The following ASB5 variants were observed in gnomAD, a reference collection of about 807,000 sequenced individuals.
ASB5 encodes the protein ankyrin repeat and SOCS box protein 5.
In ASB5, 45 loss-of-function variants were observed where a neutral mutation model predicts 42.1. The ratio of observed to expected loss-of-function variants is 1.07; its 90% CI spans 0.84 to 1.37. The LOEUF is 1.37. Among genes scored for constraint, ASB5 ranks in the 40% most tolerant of loss-of-function variants. The probability of loss-of-function intolerance (pLI) is 0.00; values close to 1 mark genes in which losing one functional copy is unlikely to be tolerated. For missense variants in ASB5, 402 were observed against 399.8 expected, an observed-to-expected ratio of 1.01 and a Z score of -0.05; for synonymous variants, 147 against 150.6, an observed-to-expected ratio of 0.98 and a Z score of 0.18.
chr4:176,264,927 T>C (rs1754327260), intron 1 of ASB5, among the ~76,000 whole-genome samples: 1 of 152,156 alleles, frequency 6.6e-6, no homozygotes, highest in Non-Finnish European at 1.5e-5. Flanking sequence ...CTATGTTTTC[T>C]GTCCGTACCA....
intron 1 of ASB5, among the ~76,000 whole-genome samples, chr4:176,247,470 G>GTA (rs1228673631): frequency 6.6e-6 from 1 of 152,166 alleles, no homozygotes; most frequent in African/African-American, 2.4e-5. Flanking sequence ...GTTTAGTGTA[G>GTA]TATAGGTCCA....
intron 1 of ASB5, among the ~76,000 whole-genome samples, chr4:176,240,253 C>A (rs1220426049): frequency 6.6e-6 from 1 of 152,152 alleles, no homozygotes; most frequent in Non-Finnish European, 1.5e-5. Flanking sequence ...TCAGAAAAAG[C>A]ATCTAAGATA....
chr4:176,243,951 T>A (rs1334748529), intron 1 of ASB5, among the ~76,000 whole-genome samples: 1 of 152,210 alleles, frequency 6.6e-6, no homozygotes, highest in Admixed American at 6.5e-5. Flanking sequence ...TAAAAATATA[T>A]TGCTGGATAT....
intron 1 of ASB5, among the ~76,000 whole-genome samples, chr4:176,250,064 CAAAAAA>C (rs5864368): frequency 1.0e-4 from 13 of 126,772 alleles, no homozygotes; most frequent in Non-Finnish European, 1.2e-4. Context: ...GACTCCATCT[CAAAAAA>C]AAAAAAAAAA....
chr4:176,229,786 G>A (rs1390420528), intron 1 of ASB5, among the ~76,000 whole-genome samples: 5 of 152,182 alleles, frequency 3.3e-5, no homozygotes, highest in African/African-American at 4.8e-5. Context: ...TCTCAGAAAC[G>A]AGTTTTGAAT....
chr4:176,275,281 A>G (rs1309067955), intron 2 of ASB5, among the ~76,000 whole-genome samples: 1 of 152,134 alleles, frequency 6.6e-6, no homozygotes, highest in African/African-American at 2.4e-5. Context: ...TTCTTGAGGT[A>G]AAATATATGA....
intron 1 of ASB5, among the ~76,000 whole-genome samples, chr4:176,229,915 G>T (rs1000585947): frequency 7.2e-5 from 11 of 152,298 alleles, no homozygotes; most frequent in African/African-American, 2.6e-4. Context: ...CTTGAAGAAG[G>T]GGGTGGGAGT....
At chr4:176,253,629 T>A (rs2126971504) in intron 1 of ASB5, among the ~76,000 whole-genome samples, 1 of 152,296 alleles carries the variant, frequency 6.6e-6, no homozygotes, top group Middle Eastern at 3.4e-3. Flanking sequence ...ATTCTTTACT[T>A]AGAAAACTCT....
intron 1 of ASB5, among the ~76,000 whole-genome samples, chr4:176,251,170 C>T (rs1425978550): frequency 6.6e-6 from 1 of 151,524 alleles, no homozygotes; most frequent in Non-Finnish European, 1.5e-5. Flanking sequence ...CACCGCTTAA[C>T]CATGTGCTCA....
intron 1 of ASB5, among the ~76,000 whole-genome samples, chr4:176,248,972 G>T (rs1579328278): frequency 1.3e-5 from 2 of 152,190 alleles, no homozygotes; most frequent in East Asian, 3.9e-4. Context: ...TGTTTGTTTT[G>T]TTTTGCTTTT....
At chr4:176,255,717 G>A (rs928949683) in intron 1 of ASB5, among the ~76,000 whole-genome samples, 4 of 152,184 alleles carry the variant, frequency 2.6e-5, no homozygotes, top group African/African-American at 7.2e-5. Flanking sequence ...AGAGAGGGAG[G>A]CAGAGATGTG....
upstream of ASB5, among the ~76,000 whole-genome samples, chr4:176,269,626 A>G (rs1754430804): frequency 7.1e-6 from 1 of 140,000 alleles, no homozygotes; most frequent in South Asian, 2.3e-4. Flanking sequence ...TTAACCAATT[A>G]TGTTATTTTT....
intron 2 of ASB5, among the ~76,000 whole-genome samples, chr4:176,224,526 T>C (rs1753318224): frequency 1.1e-5 from 1 of 94,260 alleles, no homozygotes; most frequent in East Asian, 3.7e-4. Context: ...TGAGCCACTG[T>C]GCCCAGCTAT....
At chr4:176,274,271 T>C (rs1419506386) in intron 2 of ASB5, among the ~76,000 whole-genome samples, 1 of 152,204 alleles carries the variant, frequency 6.6e-6, no homozygotes, top group South Asian at 2.1e-4. Flanking sequence ...CTGACAGTAA[T>C]ATAGATTTGA....
chr4:176,234,355 CT>C lies in ASB5; in HGVS notation c.197-9015del, dbSNP rs145522742. Among the ~76,000 whole-genome samples the C allele has an allele frequency of 7.9e-3, 1,209 of 152,318 alleles. 21 individuals are homozygous for C. Among genetic ancestry groups the C allele is most frequent in the African/African-American group, 0.027 (1,141 of 41,576 alleles). ...TCCTTGCTTTTCCTTACACAACCTT[CT>C]GTTTGCTCTTTCTGAAGTACTCCTT... On this transcript the variant is annotated intron_variant, in intron 1 of 6. Coordinates refer to ENST00000296525, the MANE Select transcript of ASB5 (RefSeq NM_080874.4).
At chr4:176,249,531 T>C (rs925261966) in intron 1 of ASB5, 4 of 152,094 alleles carry the variant, frequency 2.6e-5, no homozygotes, top group African/African-American at 9.7e-5. Context: ...CTCTCCCTGA[T>C]TGGGAGAGCA....
chr4:176,249,957 C>G (rs930994211), intron 1 of ASB5, among the ~76,000 whole-genome samples: 1 of 150,656 alleles, frequency 6.6e-6, no homozygotes, highest in African/African-American at 2.4e-5. Context: ...CCCAGCTACT[C>G]GGGAGGCTGA....
chr4:176,228,754 T>C (rs532100095), intron 1 of ASB5, among the ~76,000 whole-genome samples: 5 of 152,192 alleles, frequency 3.3e-5, no homozygotes, highest in African/African-American at 4.8e-5. Flanking sequence ...AATTGGAACA[T>C]TGTGTTATCA....
At chr4:176,219,381 TATAA>T (rs1753110430) in intron 5 of ASB5, among the ~76,000 whole-genome samples, 1 of 55,884 alleles carries the variant, frequency 1.8e-5, no homozygotes, top group Non-Finnish European at 3.2e-5. Context: ...TTGTATGATA[TATAA>T]ATATATATAT....
Sources: gnomAD v4.1 joint callset for allele counts (sites outside exome capture counted in the v4.1 genomes callset) on GRCh38, gnomAD v4.1.1 for gene constraint, MANE v1.5 for transcripts, NCBI Gene and HGNC (gene_info 2026-07-23, HGNC 2026-07-21) for gene names.